The following SPAG17 variants were observed in gnomAD, a reference collection of about 807,000 sequenced individuals.
SPAG17 encodes the protein sperm-associated antigen 17.
Under a neutral mutation model 273.6 loss-of-function variants are expected in SPAG17, and 169 were observed. That is an observed-to-expected ratio of 0.62 (90% CI 0.55 to 0.70). The LOEUF (loss-of-function observed/expected upper bound fraction) is 0.70. SPAG17 is among the 30% of genes least tolerant of loss of function. SPAG17 has a pLI of 0.00. For synonymous variants in SPAG17, 825 were observed against 873.2 expected, an observed-to-expected ratio of 0.94 and a Z score of 0.97; for missense variants, 2,557 against 2,627.8, an observed-to-expected ratio of 0.97 and a Z score of 0.59.
intron 3 of SPAG17, among the ~76,000 whole-genome samples, chr1:118,118,270 T>C (rs963673530): frequency 1.3e-5 from 2 of 152,228 alleles, no homozygotes; most frequent in African/African-American, 2.4e-5. Flanking sequence ...ACTGTAAAGA[T>C]AATTTGCCCA....
intron 28 of SPAG17, among the ~76,000 whole-genome samples, chr1:118,020,942 A>G (rs1660441173): frequency 6.6e-6 from 1 of 152,190 alleles, no homozygotes; most frequent in Non-Finnish European, 1.5e-5. Context: ...ATTTAATAAC[A>G]TATTGCCCAT....
At chr1:118,083,606 G>A (rs554315531) in intron 13 of SPAG17, among the ~76,000 whole-genome samples, 50 of 152,212 alleles carry the variant, frequency 3.3e-4, no homozygotes, top group African/African-American at 1.2e-3. Flanking sequence ...CCAACATGGT[G>A]AAAGCCCATC....
chr1:117,956,582 C>T (rs1652231886), intron 48 of SPAG17, among the ~76,000 whole-genome samples: 1 of 152,120 alleles, frequency 6.6e-6, no homozygotes, highest in African/African-American at 2.4e-5. Context: ...TTGATATCCT[C>T]TTAAGATTTT....
chr1:118,004,935 C>T (rs967360607), intron 32 of SPAG17, among the ~76,000 whole-genome samples: 1 of 152,204 alleles, frequency 6.6e-6, no homozygotes, highest in African/African-American at 2.4e-5. Flanking sequence ...TGTTCCTATT[C>T]AGCCATCTTC....
At chr1:118,138,348 G>C (rs936319762) in intron 3 of SPAG17, among the ~76,000 whole-genome samples, 8 of 152,190 alleles carry the variant, frequency 5.3e-5, no homozygotes, top group Non-Finnish European at 1.5e-5. Flanking sequence ...CCCAGCAAAT[G>C]TCTGCTGGGT....
At chr1:118,026,182 A>T (rs1434476675) in intron 26 of SPAG17, among the ~76,000 whole-genome samples, 1 of 152,156 alleles carries the variant, frequency 6.6e-6, no homozygotes, top group African/African-American at 2.4e-5. Context: ...TTCAAAGTTA[A>T]CGTTAAAATA....
At chr1:117,981,703 T>C (rs1015489792) in intron 42 of SPAG17, among the ~76,000 whole-genome samples, 1 of 152,230 alleles carries the variant, frequency 6.6e-6, no homozygotes, top group Non-Finnish European at 1.5e-5. Flanking sequence ...TGTTGTGTTA[T>C]GTAGAAGAGG....
chr1:118,161,172 G>A (rs1454284900), intron 1 of SPAG17, among the ~76,000 whole-genome samples: 1 of 152,216 alleles, frequency 6.6e-6, no homozygotes, highest in Non-Finnish European at 1.5e-5. Flanking sequence ...TAAATTTCTA[G>A]AGACTATTTC....
At chr1:118,018,669 CAAA>C (rs558618684) in intron 28 of SPAG17, among the ~76,000 whole-genome samples, 1 of 109,416 alleles carries the variant, frequency 9.1e-6, no homozygotes. Flanking sequence ...TTCACTGCTA[CAAA>C]AAAAAAAAAA....
At chr1:118,012,541 G>A (rs575833104) in intron 29 of SPAG17, among the ~76,000 whole-genome samples, 169 bp from the exon 30 acceptor site, 1 of 152,180 alleles carries the variant, frequency 6.6e-6, no homozygotes, top group South Asian at 2.1e-4. Context: ...ATCTTGGCAG[G>A]TACCCTCATT....
chr1:118,122,558 T>C (rs1183543746), intron 3 of SPAG17, among the ~76,000 whole-genome samples: 1 of 152,172 alleles, frequency 6.6e-6, no homozygotes, highest in African/African-American at 2.4e-5. Flanking sequence ...GGTTTTTCTG[T>C]GAGTTGTAGG....
rs1010496413 is a variant in SPAG17 at position 118,036,808 on chromosome 1, A to T, written c.3395T>A (p.Leu1132His). Residue 1132 changes from leucine to histidine, a missense_variant, in exon 24 of 49, where the codon CTC (leucine) becomes CAC (histidine). Physicochemically the swap from Leu to His is moderately conservative, Grantham distance 99. Transcript: ENST00000336338. ...ATTTGATCCATAGTAACTTATCGAG[A>T]GGCAGATTCCATTTTCTAAGGTGGC... ...FSATLENGIC[L>H]SISYYGSNGM... 6.4e-7 allele frequency: 1 copy of T among 1,559,460 alleles called. No homozygotes were observed. Among genetic ancestry groups the T allele is most frequent in the Admixed American group, 1.9e-5 (1 of 52,400 alleles).
intron 1 of SPAG17, among the ~76,000 whole-genome samples, chr1:118,155,745 C>A (rs376102385): frequency 1.3e-5 from 2 of 152,156 alleles, no homozygotes; most frequent in Non-Finnish European, 2.9e-5. Flanking sequence ...GATATGCAAA[C>A]CTGTACTTTA....
intron 17 of SPAG17, among the ~76,000 whole-genome samples, chr1:118,069,714 A>C (rs541414811): frequency 3.5e-4 from 54 of 152,328 alleles, no homozygotes; most frequent in African/African-American, 1.2e-3. Flanking sequence ...TGAGATCATC[A>C]AAGAAGGGTG....
chr1:118,095,848 A>C (rs1290930738), intron 7 of SPAG17, among the ~76,000 whole-genome samples: 1 of 152,176 alleles, frequency 6.6e-6, no homozygotes, highest in Non-Finnish European at 1.5e-5. Context: ...GACAGAGGAC[A>C]GTGGGTCCTT....
intron 30 of SPAG17, 70 bp downstream of exon 30, chr1:118,012,158 G>T: frequency 6.8e-7 from 1 of 1,477,456 alleles, no homozygotes; most frequent in Non-Finnish European, 9.3e-7. Flanking sequence ...TCAGCAGTCA[G>T]TGAGGATTCT....
chr1:118,128,322 T>C (rs893852239), intron 3 of SPAG17, among the ~76,000 whole-genome samples: 2 of 152,298 alleles, frequency 1.3e-5, no homozygotes, highest in African/African-American at 4.8e-5. Context: ...TTTTTCTATG[T>C]ATAAAATCGT....
At chr1:117,995,232 A>C (rs191195372) in intron 34 of SPAG17, among the ~76,000 whole-genome samples, 1 of 152,124 alleles carries the variant, frequency 6.6e-6, no homozygotes, top group Non-Finnish European at 1.5e-5. Context: ...CTTCTTGACT[A>C]TGTCAGTTTC....
chr1:118,140,236 G>GA (rs1407843370), intron 3 of SPAG17, among the ~76,000 whole-genome samples: 1 of 152,108 alleles, frequency 6.6e-6, no homozygotes, highest in African/African-American at 2.4e-5. Context: ...TCAAAAGGTA[G>GA]AAAATCTCAG....
Sources: gnomAD v4.1 joint callset for allele counts (sites outside exome capture counted in the v4.1 genomes callset) on GRCh38, gnomAD v4.1.1 for gene constraint, MANE v1.5 for transcripts, NCBI Gene and HGNC (gene_info 2026-07-23, HGNC 2026-07-21) for gene names.